The following EPHA5 variants were observed in gnomAD, a reference collection of about 807,000 sequenced individuals.
The protein encoded by EPHA5 is ephrin type-A receptor 5.
Under a neutral mutation model 105.0 loss-of-function variants are expected in EPHA5, and 60 were observed. The ratio of observed to expected loss-of-function variants is 0.57; its 90% confidence interval spans 0.46 to 0.71. The LOEUF is 0.71. Ranked by LOEUF, EPHA5 falls within the 30% of genes least tolerant of loss-of-function variation. The probability of loss-of-function intolerance (pLI) is 0.00; values close to 1 mark genes in which losing one functional copy is unlikely to be tolerated. For missense variants in EPHA5, 1,218 were observed against 1,274.7 expected (o/e 0.96, Z 0.68); for synonymous variants, 513 against 449.1 (o/e 1.14, Z -1.80).
chr4:65,399,488 A>T (rs1025180177), intron 8 of EPHA5, among the ~76,000 whole-genome samples: 9 of 152,244 alleles, frequency 5.9e-5, no homozygotes, highest in African/African-American at 1.9e-4. Flanking sequence ...CCCTGGCCAC[A>T]GAGGCTTCTG....
intron 11 of EPHA5, among the ~76,000 whole-genome samples, chr4:65,359,327 A>T (rs1717039940): frequency 6.6e-6 from 1 of 151,666 alleles, no homozygotes; most frequent in Non-Finnish European, 1.5e-5. Flanking sequence ...TAACTGGTTC[A>T]TATAATTTTA....
intron 2 of EPHA5, among the ~76,000 whole-genome samples, chr4:65,614,791 T>C (rs1336708613): frequency 2.6e-5 from 4 of 151,922 alleles, no homozygotes; most frequent in Middle Eastern, 3.4e-3. Flanking sequence ...TGTTTGGAAA[T>C]ATATGGTGCA....
At chr4:65,586,867 T>C (rs952407462) in intron 3 of EPHA5, among the ~76,000 whole-genome samples, 1 of 152,104 alleles carries the variant, frequency 6.6e-6, no homozygotes, top group Admixed American at 6.6e-5. Flanking sequence ...AATGCATGGA[T>C]ATGAATTTTA....
intron 1 of EPHA5, among the ~76,000 whole-genome samples, chr4:65,645,712 A>G (rs1383805949): frequency 2.0e-5 from 3 of 151,976 alleles, no homozygotes; most frequent in Admixed American, 2.0e-4. Context: ...AGTGTTCTCA[A>G]TGTCGGAATA....
intron 3 of EPHA5, among the ~76,000 whole-genome samples, chr4:65,527,447 T>C (rs574635275): frequency 6.6e-6 from 1 of 151,994 alleles, no homozygotes; most frequent in Admixed American, 6.6e-5. Context: ...ATACATGGAG[T>C]ACAAAAAGTC....
At chr4:65,615,259 A>G (rs1283432851) in intron 2 of EPHA5, among the ~76,000 whole-genome samples, 4 of 140,608 alleles carry the variant, frequency 2.8e-5, no homozygotes, top group Non-Finnish European at 6.4e-5. Context: ...AATAGCAAGT[A>G]TTTTACAAAT....
intron 3 of EPHA5, among the ~76,000 whole-genome samples, chr4:65,576,030 G>GA (rs1449669329): frequency 1.4e-5 from 1 of 72,066 alleles, no homozygotes; most frequent in Non-Finnish European, 2.8e-5. Context: ...AAGAAAGAAA[G>GA]AAAGAAAGAA....
At chr4:65,341,822 G>A (rs935145827) in intron 14 of EPHA5, among the ~76,000 whole-genome samples, 3 of 151,880 alleles carry the variant, frequency 2.0e-5, no homozygotes, top group African/African-American at 7.3e-5. Context: ...GCATTTACTT[G>A]AAATCTCACA....
chr4:65,649,093 A>G (rs1748371011), intron 1 of EPHA5, among the ~76,000 whole-genome samples: 1 of 152,190 alleles, frequency 6.6e-6, no homozygotes, highest in African/African-American at 2.4e-5. Flanking sequence ...TTTATTTTAC[A>G]ATTCTGAGCA....
chr4:65,592,451 CA>C lies in EPHA5; in HGVS notation c.910+9189del, dbSNP rs1474702535. On this transcript the variant is annotated intron_variant, in intron 3 of 16. Transcript: ENST00000613740. Reference sequence around the variant, plus strand: ...GCCTGGTACCAAGTGGGGAGACCTTCAGAGAACCTGAAACTTTAAAAAGCTG... The same window carrying C: ...GCCTGGTACCAAGTGGGGAGACCTTCGAGAACCTGAAACTTTAAAAAGCTG... 5.3e-5 allele frequency among the ~76,000 whole-genome samples: 8 copies of C among 151,428 alleles called. No individual in the cohort carries two copies. In the East Asian group the frequency reaches 1.6e-3, roughly 29 times the overall value.
intron 8 of EPHA5, among the ~76,000 whole-genome samples, chr4:65,394,638 GT>G (rs1172336219): frequency 1.3e-5 from 2 of 152,222 alleles, no homozygotes; most frequent in African/African-American, 4.8e-5. Context: ...TGTCAAGGAA[GT>G]TTTAGACAGT....
intron 11 of EPHA5, among the ~76,000 whole-genome samples, chr4:65,360,070 G>T (rs1161185235): frequency 2.0e-5 from 3 of 151,524 alleles, no homozygotes; most frequent in Non-Finnish European, 3.0e-5. Flanking sequence ...GTAACAGTCT[G>T]CCTCCAAATG....
At chr4:65,539,920 T>A (rs556642887) in intron 3 of EPHA5, among the ~76,000 whole-genome samples, 1 of 151,646 alleles carries the variant, frequency 6.6e-6, no homozygotes, top group South Asian at 2.1e-4. Flanking sequence ...ATTATGCACA[T>A]ATGTTATCAC....
At chr4:65,632,048 C>T (rs1746685721) in intron 2 of EPHA5, among the ~76,000 whole-genome samples, 1 of 151,994 alleles carries the variant, frequency 6.6e-6, no homozygotes, top group Non-Finnish European at 1.5e-5. Context: ...CACTGCATCA[C>T]TGACTCATTG....
At chr4:65,575,126 T>C (rs1740761868) in intron 3 of EPHA5, among the ~76,000 whole-genome samples, 1 of 151,764 alleles carries the variant, frequency 6.6e-6, no homozygotes, top group Non-Finnish European at 1.5e-5. Flanking sequence ...ATGACAGCAA[T>C]CAACAGAAAG....
At chr4:65,590,446 G>A (rs1476671470) in intron 3 of EPHA5, among the ~76,000 whole-genome samples, 4 of 152,152 alleles carry the variant, frequency 2.6e-5, no homozygotes, top group Admixed American at 2.0e-4. Flanking sequence ...ATGAGATCAT[G>A]TATAGCTTAG....
At chr4:65,333,768 G>A (rs1380616383) in intron 15 of EPHA5, among the ~76,000 whole-genome samples, 3 of 151,034 alleles carry the variant, frequency 2.0e-5, no homozygotes, top group African/African-American at 7.3e-5. Context: ...TTTGTTTCCA[G>A]ACTAAGATTC....
At chr4:65,466,088 G>A (rs779476565) in intron 5 of EPHA5, among the ~76,000 whole-genome samples, 1 of 152,228 alleles carries the variant, frequency 6.6e-6, no homozygotes, top group Non-Finnish European at 1.5e-5. Context: ...GATAGGAAAG[G>A]TTAGGGTGAG....
chr4:65,466,626 G>T (rs1728743211), intron 5 of EPHA5, among the ~76,000 whole-genome samples: 2 of 152,168 alleles, frequency 1.3e-5, no homozygotes, highest in African/African-American at 2.4e-5. Context: ...TTGGATCAAG[G>T]TGTTAGCAAT....
Sources: gnomAD v4.1 joint callset for allele counts (sites outside exome capture counted in the v4.1 genomes callset) on GRCh38, gnomAD v4.1.1 for gene constraint, MANE v1.5 for transcripts, NCBI Gene and HGNC (gene_info 2026-07-23, HGNC 2026-07-21) for gene names.